Variants in CELF2 observed in about 807,000 individuals in gnomAD.
CELF2 encodes the protein CUGBP Elav-like family member 2, also known as CUG triplet repeat RNA-binding protein 2.
A neutral mutation model predicts 62.6 loss-of-function variants in CELF2; 8 were observed. The observed-to-expected ratio is 0.13, with a 90% CI of 0.07 to 0.23. The LOEUF is 0.23. Among genes scored for constraint, CELF2 ranks in the 10% least tolerant of loss-of-function variants. CELF2 has a pLI of 1.00. For missense variants in CELF2, 333 were observed against 671.0 expected, an observed-to-expected ratio of 0.50 and a Z score of 5.56; for synonymous variants, 258 against 250.0, an observed-to-expected ratio of 1.03 and a Z score of -0.30.
chr10:11,315,887 C>T lies in CELF2; in HGVS notation c.1096+1629C>T, dbSNP rs867049914. On this transcript the variant is annotated intron_variant, in intron 10 of 12. Transcript: ENST00000633077. The surrounding 1 kb of genome is among the most constrained non-coding windows in gnomAD (Gnocchi z 5.8). The stretch of plus-strand genomic sequence containing the variant: ...CATGCTGCTTCTCTTGCCCCAGGAC[C>T]TAGTTCCCCTAAAACAAGGACTTTG... Among the ~76,000 whole-genome samples, 22 of 152,252 alleles carry T rather than the reference C, an allele frequency of 1.4e-4. No individual in the cohort carries two copies. Among genetic ancestry groups the T allele is most frequent in the Middle Eastern group, 6.3e-3 (2 of 316 alleles).
chr10:10,986,708 T>C lies in CELF2; in HGVS notation c.89+66709T>C, dbSNP rs980203627. 7.9e-5 allele frequency among the ~76,000 whole-genome samples: 12 copies of C among 152,354 alleles called. No homozygotes were observed. In the South Asian group the frequency reaches 2.3e-3, roughly 29 times the overall value. The stretch of plus-strand genomic sequence containing the variant: ...GATCAAACCACACTTAAAGTGATGA[T>C]GGCACAACTGTAACGGGCATTTCCA... On this transcript the variant is annotated intron_variant, in intron 2 of 13. Transcript: ENST00000636488.
the CELF2 span, among the ~76,000 whole-genome samples, chr10:10,648,334 T>A: frequency 0.069 from 10,439 of 152,222 alleles, 626 homozygotes; most frequent in East Asian, 0.25. Context: ...CCTTTCATCA[T>A]GTCTGTCTGC....
At chr10:10,493,609 G>C in the CELF2 span, among the ~76,000 whole-genome samples, 2 of 150,704 alleles carry the variant, frequency 1.3e-5, no homozygotes, top group Non-Finnish European at 3.0e-5. Context: ...TAGGCTCACT[G>C]CAGCCTCCGC....
intron 1 of CELF2, among the ~76,000 whole-genome samples, chr10:11,047,883 G>A (rs2063152000): frequency 3.3e-5 from 5 of 152,138 alleles, no homozygotes; most frequent in Admixed American, 3.3e-4. Context: ...CACTTCTAGA[G>A]TGAAATACTT....
At chr10:10,831,707 C>T (rs2057870981) in intron 1 of CELF2, among the ~76,000 whole-genome samples, 1 of 152,224 alleles carries the variant, frequency 6.6e-6, no homozygotes, top group South Asian at 2.1e-4. Context: ...CAAGGTGGCT[C>T]ATGCCTATAA....
At chr10:10,832,444 C>T (rs548852718) in intron 1 of CELF2, among the ~76,000 whole-genome samples, 5 of 152,220 alleles carry the variant, frequency 3.3e-5, no homozygotes, top group South Asian at 4.2e-4. Context: ...TAGGATCACC[C>T]GTAGCACAAG....
At chr10:10,518,977 G>A in the CELF2 span, among the ~76,000 whole-genome samples, 2 of 152,148 alleles carry the variant, frequency 1.3e-5, no homozygotes, top group Non-Finnish European at 2.9e-5. Flanking sequence ...GAATGAATAA[G>A]AGCCAAGTTT....
the CELF2 span, among the ~76,000 whole-genome samples, chr10:10,765,565 T>C: frequency 6.6e-6 from 1 of 152,078 alleles, no homozygotes. Context: ...TAAGAGGAAA[T>C]ATAAAACCAA....
chr10:10,892,262 C>T (rs1218741195), intron 1 of CELF2, among the ~76,000 whole-genome samples: 1 of 152,096 alleles, frequency 6.6e-6, no homozygotes, highest in Admixed American at 6.5e-5. Context: ...CAGGTTTAGG[C>T]AGGAAGCTTC....
chr10:11,110,387 A>G lies in CELF2; in HGVS notation c.75-55099A>G, dbSNP rs539258444. Among the ~76,000 whole-genome samples the G allele has an allele frequency of 6.6e-6, 1 of 152,356 alleles. No homozygotes were observed. Among genetic ancestry groups the G allele is most frequent in the Non-Finnish European group, 1.5e-5 (1 of 68,038 alleles). Reference sequence around the variant, plus strand: ...TCCCCGTCATTGAGTGGAACAGAAAAAATGTGAAACGATGAAGTTTTAGGA... The same window carrying G: ...TCCCCGTCATTGAGTGGAACAGAAAGAATGTGAAACGATGAAGTTTTAGGA... On this transcript the variant is annotated intron_variant, in intron 1 of 12. Transcript: ENST00000633077. This position sits in a 1 kb window ranked among gnomAD's most constrained non-coding sequence, Gnocchi z 4.0.
At chr10:11,210,790 C>A (rs2061600150) in intron 2 of CELF2, among the ~76,000 whole-genome samples, 1 of 152,164 alleles carries the variant, frequency 6.6e-6, no homozygotes, top group African/African-American at 2.4e-5. Flanking sequence ...TCCTGCCCTG[C>A]AGCTGACGAG....
At chr10:11,171,842 T>A (rs2068970532) in intron 2 of CELF2, among the ~76,000 whole-genome samples, 1 of 79,314 alleles carries the variant, frequency 1.3e-5, no homozygotes. Flanking sequence ...AAACCATTTG[T>A]TTCTTCTTTA....
At chr10:10,935,235 T>G (rs1215841068) in intron 2 of CELF2, 1 of 152,224 alleles carries the variant, frequency 6.6e-6, no homozygotes, top group Admixed American at 6.5e-5. Flanking sequence ...GGTTCTTGCC[T>G]GAAGCTCTGG....
chr10:10,579,906 G>A, the CELF2 span, among the ~76,000 whole-genome samples: 3 of 151,718 alleles, frequency 2.0e-5, no homozygotes, highest in African/African-American at 7.3e-5. Context: ...AGGTATTGAT[G>A]TAATAGTTTA....
chr10:10,984,234 C>G (rs1373031031), intron 2 of CELF2, among the ~76,000 whole-genome samples: 1 of 152,204 alleles, frequency 6.6e-6, no homozygotes, highest in Admixed American at 6.5e-5. Flanking sequence ...GCTCCAAGCC[C>G]TATCTTACTC....
chr10:10,935,690 G>A (rs1046909088), intron 2 of CELF2, among the ~76,000 whole-genome samples: 5 of 152,206 alleles, frequency 3.3e-5, no homozygotes, highest in African/African-American at 1.2e-4. Context: ...GCTACAAAAG[G>A]AATTAATCCC....
intron 3 of CELF2, among the ~76,000 whole-genome samples, chr10:11,232,430 TG>T (rs970551238): frequency 9.9e-5 from 15 of 152,122 alleles, no homozygotes; most frequent in African/African-American, 3.4e-4. Flanking sequence ...CCCGTGATCT[TG>T]GGGGGAAAAA....
chr10:11,322,873 C>A (rs551626067), intron 11 of CELF2, among the ~76,000 whole-genome samples: 1 of 152,122 alleles, frequency 6.6e-6, no homozygotes, highest in African/African-American at 2.4e-5. Flanking sequence ...AAAGAAAGGC[C>A]TGTGTGTGTT....
chr10:11,224,921 CAG>C lies in CELF2; in HGVS notation c.354+7417_354+7418del, dbSNP rs1467982036. Among the ~76,000 whole-genome samples, 1 of 152,114 alleles carries C rather than the reference CAG, an allele frequency of 6.6e-6. No homozygotes were observed. The highest frequency in any genetic ancestry group is 2.4e-5 in the African/African-American group (1 of 41,404). On this transcript the variant is annotated intron_variant, in intron 3 of 12. Transcript: ENST00000633077. The surrounding 1 kb of genome is among the most constrained non-coding windows in gnomAD (Gnocchi z 4.5). ...AGCTGGGGAGAGCCAAGGCCAGGATCAGAGGGAGTCAGGGCTCTGCCGGATAT... is the reference window on the plus strand; with the variant it reads ...AGCTGGGGAGAGCCAAGGCCAGGATCAGGGAGTCAGGGCTCTGCCGGATAT...
Sources: gnomAD v4.1 joint callset for allele counts (sites outside exome capture counted in the v4.1 genomes callset) on GRCh38, gnomAD v4.1.1 for gene constraint, Gnocchi (gnomAD v3.1) non-coding constraint, MANE v1.5 for transcripts, NCBI Gene and HGNC (gene_info 2026-07-23, HGNC 2026-07-21) for gene names.